CDH23: variants seen among roughly 807,000 people sequenced by gnomAD.
The protein encoded by CDH23 is cadherin related 23, also known as cadherin-23.
A neutral mutation model predicts 317.1 loss-of-function variants in CDH23; 189 were observed. That is an observed-to-expected ratio of 0.60 (90% CI 0.53 to 0.67). The LOEUF (loss-of-function observed/expected upper bound fraction) is 0.67. Among genes scored for constraint, CDH23 ranks in the 30% least tolerant of loss-of-function variants. The probability of loss-of-function intolerance (pLI) is 0.00; values close to 1 mark genes in which losing one functional copy is unlikely to be tolerated. For missense variants in CDH23, 4,401 were observed against 4,592.4 expected, an observed-to-expected ratio of 0.96 and a Z score of 1.20; for synonymous variants, 1,839 against 1,876.8, an observed-to-expected ratio of 0.98 and a Z score of 0.52.
chr10:71,706,826 G>A lies in CDH23; in HGVS notation c.2954-71G>A, dbSNP rs1320391271. ...ATTCCCTACTTGGTCTGGTGCTGGA[G>A]ACGCTGCTCTGGAGCTGGGTCTTCT... is the stretch of plus-strand genomic sequence containing the variant. On this transcript the variant is annotated intron_variant, in intron 25 of 69. Transcript: ENST00000224721. 11 of 1,520,832 alleles carry A rather than the reference G, an allele frequency of 7.2e-6. No individual in the cohort carries two copies. In the African/African-American group the frequency reaches 1.2e-4, roughly 17 times the overall value. The allele number at this position is 1,520,832 out of a possible 1,614,324, so 94.2% of individuals were successfully genotyped here. A position where few individuals can be genotyped will look rare whatever the true frequency, so the allele number is the denominator to read the frequency against.
rs138103081 is a variant in CDH23 at position 71,584,542 on chromosome 10, C to CTGTGTG, written c.832+6578_832+6583dup. Among the ~76,000 whole-genome samples the CTGTGTG allele has an allele frequency of 5.8e-3, 844 of 145,746 alleles. 5 individuals carry two copies. Among genetic ancestry groups the CTGTGTG allele is most frequent in the South Asian group, 9.7e-3 (43 of 4,436 alleles). ...TACACTGATTGCTTTGAAGGGAAGT[C>CTGTGTG]TGTGTGTGTGTGTGTGTGTGTGTGT... On this transcript the variant is annotated intron_variant, in intron 9 of 69. Coordinates refer to ENST00000224721, the MANE Select transcript of CDH23 (RefSeq NM_022124.6).
intron 28 of CDH23, chr10:71,713,558 G>C (rs1322819761): frequency 4.2e-6 from 2 of 473,980 alleles, no homozygotes; most frequent in African/African-American, 2.0e-5. Context: ...GCAGGAAAGG[G>C]CTGGGGAGCA....
At chr10:71,535,519 G>T (rs926244113) in intron 6 of CDH23, among the ~76,000 whole-genome samples, 1 of 152,226 alleles carries the variant, frequency 6.6e-6, no homozygotes, top group South Asian at 2.1e-4. Context: ...ATGCCTCATG[G>T]TGAGGCCACT....
intron 3 of CDH23, among the ~76,000 whole-genome samples, chr10:71,498,833 G>A: frequency 6.6e-6 from 1 of 152,328 alleles, no homozygotes; most frequent in Non-Finnish European, 1.5e-5. Context: ...GTTTCTAAGA[G>A]TCAGGGCCAG....
At chr10:71,455,413 T>TG (rs1850644336) in intron 3 of CDH23, among the ~76,000 whole-genome samples, 1 of 152,350 alleles carries the variant, frequency 6.6e-6, no homozygotes, top group South Asian at 2.1e-4. Flanking sequence ...TGGAACTGTT[T>TG]GGGCAAATGT....
At position 71,751,490 on chromosome 10, in the gene CDH23, G is replaced by A. The variant is rs1247815171; in HGVS notation, c.4845+9569G>A. Among the ~76,000 whole-genome samples the A allele has an allele frequency of 6.4e-5, 7 of 109,842 alleles. No homozygotes were observed. The South Asian group carries it at 1.9e-3, about 30-fold the overall frequency. The allele number at this position is 109,842 out of a possible 152,430, so 72.1% of individuals were successfully genotyped here. ...TGTCCCTCACCCTCAACCCCACCCC[G>A]TGAGGCCGTGGAACTCTTCAGGGAG... On this transcript the variant is annotated intron_variant, in intron 38 of 69. Transcript: ENST00000224721. The surrounding 1 kb of genome is among the most constrained non-coding windows in gnomAD (Gnocchi z 4.9).
intron 6 of CDH23, among the ~76,000 whole-genome samples, chr10:71,565,050 C>T (rs1857323615): frequency 6.6e-6 from 1 of 152,206 alleles, no homozygotes; most frequent in Non-Finnish European, 1.5e-5. Context: ...GAATGTGGCC[C>T]TCCTTTCTTG....
intron 11 of CDH23, chr10:71,623,054 G>A: frequency 3.3e-6 from 2 of 611,686 alleles, no homozygotes; most frequent in Middle Eastern, 8.3e-4. Context: ...CACTGTGCTA[G>A]GTCCTGGGGG....
At chr10:71,415,687 T>C (rs965235244) in intron 1 of CDH23, among the ~76,000 whole-genome samples, 2 of 152,228 alleles carry the variant, frequency 1.3e-5, no homozygotes, top group Non-Finnish European at 2.9e-5. Context: ...TCACAAATTT[T>C]GATGTCATAT....
intron 27 of CDH23, among the ~76,000 whole-genome samples, chr10:71,710,406 C>T (rs888504951): frequency 1.3e-5 from 2 of 152,256 alleles, no homozygotes; most frequent in African/African-American, 4.8e-5. Context: ...CCTCCTGCTC[C>T]TGGGCTTTTC....
At chr10:71,613,835 G>A (rs184638066) in intron 9 of CDH23, among the ~76,000 whole-genome samples, 31 of 152,280 alleles carry the variant, frequency 2.0e-4, no homozygotes, top group African/African-American at 7.2e-4. Context: ...ATTCTCTAAC[G>A]TGGAATCGGT....
chr10:71,452,591 T>TC (rs1475601231), intron 3 of CDH23, among the ~76,000 whole-genome samples: 1 of 152,112 alleles, frequency 6.6e-6, no homozygotes, highest in Non-Finnish European at 1.5e-5. Context: ...TTCTGAAGCC[T>TC]CCCCAGCCTG....
In CDH23 at chr10:71,813,266, TG is replaced by T. The variant is rs922700209; in HGVS notation, c.9658del (p.Glu3220ArgfsTer28). On this transcript the variant is annotated frameshift_variant, in exon 69 of 70. Coordinates refer to ENST00000224721, the MANE Select transcript of CDH23 (RefSeq NM_022124.6). LOFTEE classifies it high-confidence loss of function. ...PIKGSLLKVV[L>X]EDYLRLKKLF... ...CAGGGCTCGCTGCTGAAGGTGGTCC[TG>T]GAGGATTACCTGCGGCTCAAAAAGC... 1.3e-6 allele frequency: 2 copies of T among 1,551,628 alleles called. No homozygotes were observed. Among genetic ancestry groups the T allele is most frequent in the Admixed American group, 3.9e-5 (2 of 50,998 alleles).
In CDH23 at chr10:71,511,725, C is replaced by T. The variant is rs543726741; in HGVS notation, c.429+513C>T. The T allele has an allele frequency of 6.1e-5, 10 of 163,550 alleles. No individual in the cohort carries two copies. In the South Asian group the frequency reaches 1.0e-3, roughly 17 times the overall value. The allele number at this position is 163,550 out of a possible 1,614,324, so 10.1% of individuals were successfully genotyped here. A position where few individuals can be genotyped will look rare whatever the true frequency, so the allele number is the denominator to read the frequency against. On this transcript the variant is annotated intron_variant, in intron 6 of 69. Transcript: ENST00000224721. ...CTGAGTATGTTTGCATGAGTGCATG[C>T]GTGTAAAATCAAGCCATTGCTGGTA...
intron 3 of CDH23, 146 bp from the exon 4 acceptor site, chr10:71,509,936 C>T (rs922874221): frequency 1.2e-5 from 10 of 812,852 alleles, no homozygotes; most frequent in East Asian, 2.6e-5. Context: ...CTCCCAGATG[C>T]GCCAGGGCCT....
At chr10:71,784,774 A>G in intron 42 of CDH23, 117 bp from the exon 43 acceptor site, 1 of 757,218 alleles carries the variant, frequency 1.3e-6, no homozygotes, top group Middle Eastern at 2.6e-4. Flanking sequence ...TTTCTTCTCC[A>G]TGACCAACTG....
chr10:71,730,738 G>T (rs995677225), intron 31 of CDH23, 134 bp downstream of exon 31: 148 of 1,325,774 alleles, frequency 1.1e-4, no homozygotes, highest in Non-Finnish European at 2.3e-5. Context: ...CCAGGGAGGG[G>T]CTGCTGGGAT....
At position 71,807,856 on chromosome 10, in the gene CDH23, C is replaced by T. The variant is rs1314210271; in HGVS notation, c.8571C>T (p.Thr2857=). 10 of 1,601,358 alleles carry T rather than the reference C, an allele frequency of 6.2e-6. No homozygotes were observed. Among genetic ancestry groups the T allele is most frequent in the African/African-American group, 1.3e-5 (1 of 74,680 alleles). ...TKAEYTAGVA[T]DAKVGSELIQ... ...TGCCTCTTCCTGCAGGGGTGGCCACCGACGCCAAGGTGGGCTCAGAGTTGA... is the reference window on the plus strand; with the variant it reads ...TGCCTCTTCCTGCAGGGGTGGCCACTGACGCCAAGGTGGGCTCAGAGTTGA... The change falls in exon 60 of 70, where the codon ACC becomes ACT. Residue 2857 remains threonine (T), a synonymous_variant. Coordinates refer to ENST00000224721, the MANE Select transcript of CDH23 (RefSeq NM_022124.6).
chr10:71,436,038 C>G (rs1293978340), intron 1 of CDH23, among the ~76,000 whole-genome samples: 1 of 152,258 alleles, frequency 6.6e-6, no homozygotes, highest in African/African-American at 2.4e-5. Flanking sequence ...AGGGTGGAGC[C>G]CTTCAGGCCC....
Sources: gnomAD v4.1 joint callset for allele counts (sites outside exome capture counted in the v4.1 genomes callset) on GRCh38, gnomAD v4.1.1 for gene constraint, Gnocchi (gnomAD v3.1) non-coding constraint, MANE v1.5 for transcripts, NCBI Gene and HGNC (gene_info 2026-07-23, HGNC 2026-07-21) for gene names.